The following PRKCA variants were observed in gnomAD, a reference collection of about 807,000 sequenced individuals.
PRKCA encodes protein kinase C alpha type.
PRKCA carries 27 observed loss-of-function variants against 87.0 expected under a neutral mutation model. The ratio of observed to expected loss-of-function variants is 0.31; its 90% confidence interval spans 0.23 to 0.43. The LOEUF (loss-of-function observed/expected upper bound fraction) is 0.43. PRKCA is among the 20% of genes least tolerant of loss of function. PRKCA has a pLI of 1.00. For missense variants in PRKCA, 518 were observed against 852.3 expected, an observed-to-expected ratio of 0.61 and a Z score of 4.88; for synonymous variants, 329 against 311.1, an observed-to-expected ratio of 1.06 and a Z score of -0.61.
At chr17:66,752,003 C>T (rs1974441240) in intron 13 of PRKCA, among the ~76,000 whole-genome samples, 1 of 152,216 alleles carries the variant, frequency 6.6e-6, no homozygotes, top group Non-Finnish European at 1.5e-5. Flanking sequence ...CCACCAGGCC[C>T]CACCTCCAGC....
intron 3 of PRKCA, among the ~76,000 whole-genome samples, chr17:66,509,256 G>A (rs1322655250): frequency 1.3e-5 from 2 of 151,684 alleles, no homozygotes; most frequent in Non-Finnish European, 2.9e-5. Flanking sequence ...TATGGAGGCC[G>A]GCAAGTCCCA....
chr17:66,361,192 T>C (rs1448458059), intron 2 of PRKCA, among the ~76,000 whole-genome samples: 1 of 152,152 alleles, frequency 6.6e-6, no homozygotes, highest in East Asian at 1.9e-4. Context: ...GTAACTGATA[T>C]CAACCAAACC....
intron 3 of PRKCA, among the ~76,000 whole-genome samples, chr17:66,518,600 A>G (rs768426344): frequency 6.6e-6 from 1 of 152,122 alleles, no homozygotes; most frequent in Non-Finnish European, 1.5e-5. Flanking sequence ...TGGTAACCTA[A>G]TTTTAGACCT....
chr17:66,612,352 G>C (rs923274055), intron 3 of PRKCA, among the ~76,000 whole-genome samples: 1 of 133,586 alleles, frequency 7.5e-6, no homozygotes, highest in African/African-American at 2.9e-5. Context: ...TTGCGCTCCA[G>C]CCTGGGCAAC....
chr17:66,502,998 G>A (rs1417869700), intron 3 of PRKCA, among the ~76,000 whole-genome samples: 1 of 152,174 alleles, frequency 6.6e-6, no homozygotes, highest in Admixed American at 6.5e-5. Flanking sequence ...AAGAAGAGAA[G>A]CTGTTTTTAT....
intron 8 of PRKCA, among the ~76,000 whole-genome samples, chr17:66,730,197 A>G (rs1236437814): frequency 1.3e-5 from 2 of 152,204 alleles, no homozygotes; most frequent in East Asian, 3.9e-4. Flanking sequence ...AGCTGAGTGC[A>G]TGTCCTGTGC....
intron 1 of PRKCA, 143 bp downstream of exon 1, chr17:66,303,167 C>A: frequency 8.7e-7 from 1 of 1,149,514 alleles, no homozygotes; most frequent in Non-Finnish European, 1.2e-6. Context: ...CCCGGAGTGA[C>A]ACGCGCGCCC....
intron 3 of PRKCA, among the ~76,000 whole-genome samples, chr17:66,568,550 G>A (rs1968966218): frequency 6.6e-6 from 1 of 152,108 alleles, no homozygotes; most frequent in African/African-American, 2.4e-5. Flanking sequence ...ACTTACTGCT[G>A]TTGCCATGGA....
chr17:66,533,723 C>A (rs1375834095), intron 3 of PRKCA, among the ~76,000 whole-genome samples: 2 of 152,128 alleles, frequency 1.3e-5, no homozygotes, highest in East Asian at 3.9e-4. Flanking sequence ...AGGCAGACCC[C>A]GTTCCTTTTG....
intron 2 of PRKCA, among the ~76,000 whole-genome samples, chr17:66,467,860 G>C (rs1915153745): frequency 6.6e-6 from 1 of 151,706 alleles, no homozygotes; most frequent in Non-Finnish European, 1.5e-5. Flanking sequence ...GTCTGGCCTT[G>C]GTTGTACTTA....
At chr17:66,787,041 A>C (rs1270117047) in intron 15 of PRKCA, 67 bp downstream of exon 15, 1 of 1,189,998 alleles carries the variant, frequency 8.4e-7, no homozygotes, top group Admixed American at 1.7e-5. Context: ...TACTTTCCCC[A>C]CACTTCTAAG....
intron 13 of PRKCA, among the ~76,000 whole-genome samples, chr17:66,769,138 G>A (rs867175778): frequency 6.6e-6 from 1 of 152,058 alleles, no homozygotes; most frequent in Non-Finnish European, 1.5e-5. Flanking sequence ...GGGCATAGTG[G>A]CTGATACCTG....
intron 13 of PRKCA, among the ~76,000 whole-genome samples, chr17:66,769,352 T>C (rs1974881904): frequency 7.1e-6 from 1 of 141,618 alleles, no homozygotes. Flanking sequence ...CAAGACACTG[T>C]CTCAAAAAAA....
At chr17:66,614,353 T>C (rs925284820) in intron 3 of PRKCA, among the ~76,000 whole-genome samples, 2 of 152,220 alleles carry the variant, frequency 1.3e-5, no homozygotes, top group Non-Finnish European at 1.5e-5. Flanking sequence ...AAAATCCAGA[T>C]GGAAATTGAT....
chr17:66,304,451 G>A (rs1259970032), intron 1 of PRKCA, among the ~76,000 whole-genome samples: 5 of 152,138 alleles, frequency 3.3e-5, no homozygotes, highest in South Asian at 2.1e-4. Flanking sequence ...AGGAAGTTCC[G>A]GGCAAGACAG....
intron 8 of PRKCA, among the ~76,000 whole-genome samples, chr17:66,701,221 G>A (rs1973054106): frequency 6.6e-6 from 1 of 152,110 alleles, no homozygotes; most frequent in Non-Finnish European, 1.5e-5. Context: ...AATAAAAGGT[G>A]TTGGGAAAAC....
rs1028832515 is a variant in PRKCA at position 66,810,304 on chromosome 17, A to G, written c.*6267A>G. 2 of 152,244 alleles carry G rather than the reference A, an allele frequency of 1.3e-5. No individual in the cohort carries two copies. Among genetic ancestry groups the G allele is most frequent in the African/African-American group, 4.8e-5 (2 of 41,456 alleles). The allele number at this position is 152,244 out of a possible 1,614,324, so 9.4% of individuals were successfully genotyped here. ...TTTACTAGAATATTCAAAATCAATC[A>G]TGAAGGCAGTTACTATTTTGAGTCT... is the stretch of plus-strand genomic sequence containing the variant. On this transcript the variant is annotated 3_prime_UTR_variant, in exon 17 of 17. Transcript: ENST00000413366.
At chr17:66,617,602 C>T (rs1209789318) in intron 3 of PRKCA, among the ~76,000 whole-genome samples, 1 of 152,124 alleles carries the variant, frequency 6.6e-6, no homozygotes, top group Admixed American at 6.5e-5. Context: ...AAACCCAGAT[C>T]CAAATATGGA....
At chr17:66,747,870 G>T (rs1274629272) in intron 13 of PRKCA, among the ~76,000 whole-genome samples, 1 of 152,240 alleles carries the variant, frequency 6.6e-6, no homozygotes, top group African/African-American at 2.4e-5. Context: ...GCATCGATCT[G>T]TTGGCATATT....
Sources: gnomAD v4.1 joint callset for allele counts (sites outside exome capture counted in the v4.1 genomes callset) on GRCh38, gnomAD v4.1.1 for gene constraint, MANE v1.5 for transcripts, NCBI Gene and HGNC (gene_info 2026-07-23, HGNC 2026-07-21) for gene names.